The following RUFY3 variants were observed in gnomAD, a reference collection of about 807,000 sequenced individuals.
The protein encoded by RUFY3 is protein RUFY3.
In RUFY3, 34 loss-of-function variants were observed where a neutral mutation model predicts 84.0. That is an observed-to-expected ratio of 0.40 (90% CI 0.31 to 0.54). The LOEUF (loss-of-function observed/expected upper bound fraction) is 0.54. Among genes scored for constraint, RUFY3 ranks in the 20% least tolerant of loss-of-function variants. The pLI, the probability that RUFY3 is intolerant of heterozygous loss-of-function variation, is 0.39. For synonymous variants in RUFY3, 242 were observed against 252.9 expected (o/e 0.96, Z 0.41); for missense variants, 507 against 736.8 (o/e 0.69, Z 3.61).
rs932924535 is a variant in RUFY3, at chr4:70,704,848, G to A, written c.-89G>A. On this transcript the variant is annotated 5_prime_UTR_variant, in exon 1 of 12. Transcript: ENST00000417478. ...GTGGCGGCGGCGGCGCAGCGGACGG[G>A]ACGGGGCGGCGGCTCCTCGCCCTGA... The A allele has an allele frequency of 1.1e-5, 9 of 849,326 alleles. No homozygotes were observed. In the African/African-American group the frequency reaches 1.4e-4, roughly 14 times the overall value. 52.6% of individuals were successfully genotyped at this position (849,326 alleles called of 1,614,324 possible). A position where few individuals can be genotyped will look rare whatever the true frequency, so the allele number is the denominator to read the frequency against.
chr4:70,734,464 ACTT>A lies in RUFY3; in HGVS notation c.178+11716_178+11718del, dbSNP rs146706085. On this transcript the variant is annotated intron_variant, in intron 1 of 17. Coordinates refer to ENST00000381006, the MANE Select transcript of RUFY3 (RefSeq NM_001037442.4). The stretch of plus-strand genomic sequence containing the variant: ...TGTGTTCAGAAGGCAGTCTCAGTGA[ACTT>A]CTCAAAGTGAGAAGGTTGTAGCTTT... The A allele has an allele frequency of 8.0e-4, 791 of 985,248 alleles. 4 individuals carry two copies. In the African/African-American group the frequency reaches 0.013, roughly 16 times the overall value. The allele number at this position is 985,248 out of a possible 1,614,324, so 61.0% of individuals were successfully genotyped here.
At chr4:70,750,021 A>G (rs1384996188) in intron 1 of RUFY3, among the ~76,000 whole-genome samples, 1 of 149,806 alleles carries the variant, frequency 6.7e-6, no homozygotes, top group Non-Finnish European at 1.5e-5. Flanking sequence ...TTTTAAAGAG[A>G]CAGGGTCTCA....
chr4:70,712,852 C>A (rs1185460308), intron 1 of RUFY3, among the ~76,000 whole-genome samples: 1 of 152,200 alleles, frequency 6.6e-6, no homozygotes, highest in East Asian at 1.9e-4. Context: ...ATGAATTTTA[C>A]AGGACATCAC....
intron 12 of RUFY3, among the ~76,000 whole-genome samples, chr4:70,791,062 C>A (rs1730729791): frequency 6.6e-6 from 1 of 152,104 alleles, no homozygotes; most frequent in African/African-American, 2.4e-5. Context: ...TATCAAATTT[C>A]TTTTCAATGA....
chr4:70,755,838 CT>C (rs1183419855), intron 1 of RUFY3, among the ~76,000 whole-genome samples: 1 of 151,854 alleles, frequency 6.6e-6, no homozygotes, highest in East Asian at 1.9e-4. Context: ...GTAGTCCCAG[CT>C]ACTCAGGAGG....
intron 8 of RUFY3, 79 bp downstream of exon 8, chr4:70,778,517 G>A: frequency 1.4e-6 from 1 of 728,188 alleles, no homozygotes; most frequent in Non-Finnish European, 2.4e-6. Flanking sequence ...TGTAACCTTG[G>A]AAAGAAAGAA....
chr4:70,758,739 T>C (rs1429985542), intron 1 of RUFY3, among the ~76,000 whole-genome samples: 1 of 144,976 alleles, frequency 6.9e-6, no homozygotes, highest in Non-Finnish European at 1.5e-5. Context: ...TTTGAAAATA[T>C]AAAAAAAAAA....
chr4:70,744,654 ATTT>A (rs112584509), intron 1 of RUFY3, among the ~76,000 whole-genome samples: 15 of 128,208 alleles, frequency 1.2e-4, no homozygotes, highest in African/African-American at 2.0e-4. Flanking sequence ...CTTATTTTGA[ATTT>A]TTTTTTTTTT....
chr4:70,741,361 G>A (rs1435381862), intron 1 of RUFY3, among the ~76,000 whole-genome samples: 1 of 152,078 alleles, frequency 6.6e-6, no homozygotes, highest in East Asian at 1.9e-4. Flanking sequence ...TTTTTAATAG[G>A]ATATGCATCT....
chr4:70,707,834 A>AT, intron 1 of RUFY3, among the ~76,000 whole-genome samples: 1 of 152,366 alleles, frequency 6.6e-6, no homozygotes, highest in East Asian at 1.9e-4. Context: ...GAACGTAAGC[A>AT]TACTTACAGA....
At position 70,763,596 on chromosome 4, in the gene RUFY3, C is replaced by A; in HGVS notation, c.397C>A (p.Leu133Ile). 1 of 1,613,538 alleles carries A rather than the reference C, an allele frequency of 6.2e-7. No homozygotes were observed. The highest frequency in any genetic ancestry group is 8.5e-7 in the Non-Finnish European group (1 of 1,179,758). ...LGQNKSFWGP[L>I]ELVEKLVPEA... ...ACAAAATAAATCCTTCTGGGGGCCT[C>A]TAGAACTGGTAGAAAAGCTTGTTCC... Residue 133 changes from leucine to isoleucine, a missense_variant, in exon 3 of 18, where the codon CTA (leucine) becomes ATA (isoleucine). This residue lies in a region of RUFY3 where 133 missense variants were observed against 301.1 expected (regional missense o/e 0.44). Transcript: ENST00000381006.
chr4:70,775,302 C>T (rs542986787), intron 7 of RUFY3, 69 bp downstream of exon 7: 68 of 1,044,072 alleles, frequency 6.5e-5, no homozygotes, highest in Non-Finnish European at 6.5e-5. Context: ...TAAGATGATG[C>T]GCAGTGAGGA....
chr4:70,793,400 CAA>C, intron 12 of RUFY3: 1 of 1,057,630 alleles, frequency 9.5e-7, no homozygotes, highest in Non-Finnish European at 1.1e-6. Context: ...AATTAAGTAC[CAA>C]ACCTATTAGG....
intron 12 of RUFY3, chr4:70,791,392 T>C (rs1345255548): frequency 2.0e-6 from 3 of 1,506,694 alleles, no homozygotes; most frequent in Non-Finnish European, 2.7e-6. Context: ...TCTGATTCTA[T>C]ATAAAATGTC....
In RUFY3 at chr4:70,784,836, G is replaced by A. The variant is rs1345071989; in HGVS notation, c.1028G>A (p.Ser343Asn). The A allele has an allele frequency of 6.2e-7, 1 of 1,607,166 alleles. No homozygotes were observed. The highest frequency in any genetic ancestry group is 8.5e-7 in the Non-Finnish European group (1 of 1,177,318). The change falls in exon 10 of 18, where the codon AGT becomes AAT. Residue 343 changes from serine (S) to asparagine (N), a missense_variant. Physicochemically the swap from Ser to Asn is conservative, Grantham distance 46 (BLOSUM62 1). This residue lies in a region of RUFY3 where 334 missense variants were observed against 364.1 expected (regional missense o/e 0.92). Coordinates refer to ENST00000381006, the MANE Select transcript of RUFY3 (RefSeq NM_001037442.4). Reference protein sequence around the residue: ...QDRTAEGQALSEARKHLKEET... With the variant: ...QDRTAEGQALNEARKHLKEET... ...AGAACTGCAGAAGGGCAAGCACTAA[G>A]TGAAGCAAGAAAGCATTTAAAAGAA...
chr4:70,704,818 T>TGGCGGTGGC (rs1740065540), exon 1 of RUFY3: 7 of 622,086 alleles, frequency 1.1e-5, no homozygotes, highest in Non-Finnish European at 1.6e-5. Context: ...AGAAGAAAGG[T>TGGCGGTGGC]GGCGGTGGCG....
chr4:70,762,439 A>G (rs1725193442), intron 1 of RUFY3, 80 bp from the exon 2 acceptor site: 5 of 1,282,860 alleles, frequency 3.9e-6, no homozygotes, highest in Non-Finnish European at 4.3e-6. Context: ...TACATGGTGG[A>G]GAAGAATACA....
chr4:70,777,765 G>T (rs2148755101), intron 7 of RUFY3, among the ~76,000 whole-genome samples: 1 of 152,356 alleles, frequency 6.6e-6, no homozygotes, highest in South Asian at 2.1e-4. Flanking sequence ...TAATTTAGAA[G>T]AGGGTTTGGT....
chr4:70,748,813 G>C (rs1016747347), intron 1 of RUFY3, among the ~76,000 whole-genome samples: 1 of 152,084 alleles, frequency 6.6e-6, no homozygotes, highest in Non-Finnish European at 1.5e-5. Context: ...GGAAAGCTTC[G>C]TCTCTCATTA....
Sources: allele counts gnomAD v4.1 joint callset (sites outside exome capture counted in the v4.1 genomes callset), GRCh38; gene constraint gnomAD v4.1.1; regional missense constraint gnomAD v4.1.1; transcripts MANE v1.5; gene names NCBI Gene and HGNC (gene_info 2026-07-23, HGNC 2026-07-21).